ZNF536: variants seen among roughly 807,000 people sequenced by gnomAD.
ZNF536 encodes the protein zinc finger protein 536.
ZNF536 carries 13 observed loss-of-function variants against 84.5 expected under a neutral mutation model. The ratio of observed to expected loss-of-function variants is 0.15; its 90% confidence interval spans 0.10 to 0.24. The LOEUF is 0.24. Ranked by LOEUF, ZNF536 falls within the 10% of genes least tolerant of loss-of-function variation. The pLI, the probability that ZNF536 is intolerant of heterozygous loss-of-function variation, is 1.00. For synonymous variants in ZNF536, 811 were observed against 742.5 expected (o/e 1.09, Z -1.50); for missense variants, 1,536 against 1,747.5 (o/e 0.88, Z 2.16).
chr19:30,288,969 T>C (rs752286051), intron 2 of ZNF536, among the ~76,000 whole-genome samples: 20 of 152,202 alleles, frequency 1.3e-4, no homozygotes, highest in Non-Finnish European at 2.6e-4. Flanking sequence ...ATGTGGTCTT[T>C]CCAGCATCCC....
chr19:30,657,928 C>G (rs1003341955), intron 1 of ZNF536, among the ~76,000 whole-genome samples: 1 of 152,140 alleles, frequency 6.6e-6, no homozygotes, highest in Non-Finnish European at 1.5e-5. Flanking sequence ...CTTACCCAAA[C>G]GTTTTTACAC....
chr19:30,240,491 AC>A (rs1221843791), intron 1 of ZNF536, among the ~76,000 whole-genome samples: 2 of 152,130 alleles, frequency 1.3e-5, no homozygotes, highest in African/African-American at 4.8e-5. Context: ...CCCTCCCAGG[AC>A]CTTGTCCCAG....
intron 1 of ZNF536, among the ~76,000 whole-genome samples, chr19:30,693,221 G>T (rs1234747028): frequency 6.6e-6 from 1 of 152,046 alleles, no homozygotes; most frequent in Non-Finnish European, 1.5e-5. Flanking sequence ...GACCCTCTTG[G>T]GTCCACACTG....
At chr19:30,389,961 G>T (rs149037435) in intron 1 of ZNF536, among the ~76,000 whole-genome samples, 4 of 152,324 alleles carry the variant, frequency 2.6e-5, no homozygotes, top group African/African-American at 9.6e-5. Context: ...TTTTACCTAA[G>T]ATTTCTCAAA....
chr19:30,394,885 T>C (rs1451907385), intron 1 of ZNF536, among the ~76,000 whole-genome samples: 4 of 152,216 alleles, frequency 2.6e-5, no homozygotes, highest in African/African-American at 9.6e-5. Context: ...TAAGCCATCA[T>C]GCCATGTGAA....
intron 1 of ZNF536, among the ~76,000 whole-genome samples, chr19:30,248,107 G>T (rs1210969408): frequency 6.6e-6 from 1 of 152,124 alleles, no homozygotes; most frequent in African/African-American, 2.4e-5. Flanking sequence ...CAAACCAATA[G>T]AAAATAGCAG....
At chr19:30,602,776 G>A (rs1229120055) in intron 1 of ZNF536, among the ~76,000 whole-genome samples, 2 of 152,200 alleles carry the variant, frequency 1.3e-5, no homozygotes, top group Non-Finnish European at 2.9e-5. Context: ...CTGTGCAAAG[G>A]CGGAGAGGTG....
At chr19:30,574,392 A>G (rs534338402) in intron 1 of ZNF536, among the ~76,000 whole-genome samples, 2 of 152,350 alleles carry the variant, frequency 1.3e-5, no homozygotes, top group South Asian at 4.1e-4. Context: ...GCAACTCCCA[A>G]GCCCACTGCC....
intron 3 of ZNF536, among the ~76,000 whole-genome samples, chr19:30,358,036 A>G (rs1322943415): frequency 1.3e-5 from 2 of 152,156 alleles, no homozygotes; most frequent in Non-Finnish European, 2.9e-5. Flanking sequence ...ATCATGGGTC[A>G]TCATGCACGC....
intron 1 of ZNF536, among the ~76,000 whole-genome samples, chr19:30,578,231 A>C (rs2046805506): frequency 6.6e-6 from 1 of 152,214 alleles, no homozygotes; most frequent in Admixed American, 6.5e-5. Flanking sequence ...CAGATTAAAG[A>C]AAAAAATGTT....
intron 1 of ZNF536, among the ~76,000 whole-genome samples, chr19:30,674,116 T>A (rs938114119): frequency 6.6e-6 from 1 of 152,206 alleles, no homozygotes; most frequent in Non-Finnish European, 1.5e-5. Context: ...GAGGCAGATA[T>A]TGTGTTTCAG....
intron 2 of ZNF536, among the ~76,000 whole-genome samples, chr19:30,496,794 T>G (rs761522838): frequency 1.3e-5 from 2 of 151,818 alleles, no homozygotes; most frequent in African/African-American, 2.4e-5. Flanking sequence ...ATGCTTTTTA[T>G]GGTGAGCTAG....
chr19:30,521,802 G>A (rs369703766), intron 2 of ZNF536, among the ~76,000 whole-genome samples: 4 of 152,260 alleles, frequency 2.6e-5, no homozygotes, highest in South Asian at 2.1e-4. Flanking sequence ...GGTGCTAACC[G>A]CGGTGATAAC....
intron 1 of ZNF536, among the ~76,000 whole-genome samples, chr19:30,642,045 C>T (rs2049284955): frequency 6.6e-6 from 1 of 152,176 alleles, no homozygotes. Flanking sequence ...CCTCCCTCTG[C>T]AATGGCTGTG....
At chr19:30,232,031 C>T (rs1328778469) in intron 1 of ZNF536, among the ~76,000 whole-genome samples, 1 of 151,726 alleles carries the variant, frequency 6.6e-6, no homozygotes, top group African/African-American at 2.4e-5. Flanking sequence ...CTAGGAAACA[C>T]AGTCCAGTTT....
At chr19:30,481,838 C>G (rs978142937) in intron 2 of ZNF536, among the ~76,000 whole-genome samples, 4 of 152,102 alleles carry the variant, frequency 2.6e-5, no homozygotes, top group African/African-American at 4.8e-5. Flanking sequence ...CCCTCACCAC[C>G]TCCCCAAAGT....
chr19:30,479,373 G>A (rs1211661014), intron 2 of ZNF536, among the ~76,000 whole-genome samples: 5 of 152,296 alleles, frequency 3.3e-5, no homozygotes, highest in African/African-American at 9.6e-5. Flanking sequence ...TCCACCGGCT[G>A]AAAGTCAGTC....
At chr19:30,632,641 AT>A (rs2048929652) in intron 1 of ZNF536, among the ~76,000 whole-genome samples, 1 of 104,446 alleles carries the variant, frequency 9.6e-6, no homozygotes, top group African/African-American at 3.6e-5. Flanking sequence ...CAACCAACCA[AT>A]CAACCAACAA....
intron 1 of ZNF536, among the ~76,000 whole-genome samples, chr19:30,431,254 G>A (rs752041646): frequency 7.9e-5 from 12 of 152,234 alleles, no homozygotes; most frequent in South Asian, 4.2e-4. Context: ...AGGCCAGCCC[G>A]GCAGAGGCTG....
Sources: allele counts gnomAD v4.1 joint callset (sites outside exome capture counted in the v4.1 genomes callset), GRCh38; gene constraint gnomAD v4.1.1; transcripts MANE v1.5; gene names NCBI Gene and HGNC (gene_info 2026-07-23, HGNC 2026-07-21).